Variants in MBD3 observed in about 807,000 individuals in gnomAD.
The protein encoded by MBD3 is methyl-CpG-binding domain protein 3.
Under a neutral mutation model 31.2 loss-of-function variants are expected in MBD3, and 13 were observed. The ratio of observed to expected loss-of-function variants is 0.42; its 90% CI spans 0.27 to 0.66. The LOEUF is 0.66. MBD3 is among the 30% of genes least tolerant of loss of function. MBD3 has a pLI of 0.26. For missense variants in MBD3, 440 were observed against 426.5 expected (o/e 1.03, Z -0.28); for synonymous variants, 223 against 187.4 (o/e 1.19, Z -1.55).
At position 1,580,810 on chromosome 19, in the gene MBD3, T is replaced by G. The variant is rs1243158894; in HGVS notation, c.677+282A>C. On this transcript the variant is annotated intron_variant, in intron 5 of 6. Coordinates refer to ENST00000434436, the MANE Select transcript of MBD3 (RefSeq NM_001281453.2). ...GTCCCTCCGTCTCCAGGGCCCAACA[T>G]GGAGCCCAGCACCCAGCATAGCCAG... Among the ~76,000 whole-genome samples, 4 of 152,200 alleles carry G rather than the reference T, an allele frequency of 2.6e-5. No individual in the cohort carries two copies. The East Asian group carries it at 7.7e-4, about 29-fold the overall frequency.
chr19:1,576,027 G>A lies in MBD3; in HGVS notation c.*2137C>T, dbSNP rs886716652. 1.3e-5 allele frequency: 2 copies of A among 152,602 alleles called. No homozygotes were observed. Among genetic ancestry groups the A allele is most frequent in the African/African-American group, 4.8e-5 (2 of 41,428 alleles). The allele number at this position is 152,602 out of a possible 1,614,324, so 9.5% of individuals were successfully genotyped here. On this transcript the variant is annotated 3_prime_UTR_variant, in exon 7 of 7. Coordinates refer to ENST00000434436, the MANE Select transcript of MBD3 (RefSeq NM_001281453.2). The stretch of plus-strand genomic sequence containing the variant: ...ACAGAGACAGAGACCGAGGGAGAGA[G>A]ACAGGAGAGAGAGCAAGAAACAAAG...
Position 1,581,211 on chromosome 19 carries a change from G to A in MBD3, c.558C>T (p.His186=). The change falls in exon 5 of 7, where the codon CAC becomes CAT. Residue 186 remains histidine, a synonymous_variant. Transcript: ENST00000434436. ...TLLSAIASAL[H]TSTMPITGQL... ...GTCCCGTGATGGGCATGGTGCTAGT[G>A]TGCAGGGCGCTGGCGATGGCCGACA... is the stretch of plus-strand genomic sequence containing the variant. 3 of 1,613,710 alleles carry A rather than the reference G, an allele frequency of 1.9e-6. No individual in the cohort carries two copies. The highest frequency in any genetic ancestry group is 2.5e-6 in the Non-Finnish European group (3 of 1,180,006).
At chr19:1,592,283 C>T (rs2060707515) in intron 1 of MBD3, 1 of 158,894 alleles carries the variant, frequency 6.3e-6, no homozygotes, top group Admixed American at 6.4e-5. Flanking sequence ...GAACAAAGGC[C>T]GCAGTCGCCG....
intron 2 of MBD3, 123 bp downstream of exon 2, chr19:1,584,932 C>G: frequency 7.2e-7 from 1 of 1,386,108 alleles, no homozygotes; most frequent in Non-Finnish European, 9.9e-7. Context: ...GCTCTGTGCC[C>G]TCCGCCCGCT....
At chr19:1,591,418 CCA>C (rs1020830375) in intron 1 of MBD3, among the ~76,000 whole-genome samples, 40 of 152,180 alleles carry the variant, frequency 2.6e-4, no homozygotes, top group African/African-American at 9.2e-4. Context: ...CAGTCAAGAA[CCA>C]CAGAGGACCG....
chr19:1,588,215 AG>A (rs1311928059), intron 1 of MBD3, among the ~76,000 whole-genome samples: 2 of 152,224 alleles, frequency 1.3e-5, no homozygotes, highest in Non-Finnish European at 2.9e-5. Context: ...CGCCTCAGGG[AG>A]GGCACGAGGA....
intron 4 of MBD3, 115 bp downstream of exon 4, chr19:1,582,507 C>T: frequency 9.8e-7 from 1 of 1,022,356 alleles, no homozygotes; most frequent in Non-Finnish European, 1.5e-6. Flanking sequence ...GCAGATTTGC[C>T]CTAAGCACCC....
In MBD3 at chr19:1,589,040, T is replaced by C. The variant is rs148129969; in HGVS notation, c.110+3482A>G. On this transcript the variant is annotated intron_variant, in intron 1 of 6. Transcript: ENST00000434436. ...CATAAAACTGTATCTCGATAACACC[T>C]TCTCAAAAAGAATAAATGCAGTGGC... Among the ~76,000 whole-genome samples the C allele has an allele frequency of 4.7e-3, 721 of 152,170 alleles. 8 individuals are homozygous for C. Among genetic ancestry groups the C allele is most frequent in the African/African-American group, 0.016 (684 of 41,534 alleles).
At chr19:1,590,688 T>C (rs1165617160) in intron 1 of MBD3, among the ~76,000 whole-genome samples, 1 of 152,224 alleles carries the variant, frequency 6.6e-6, no homozygotes, top group Non-Finnish European at 1.5e-5. Flanking sequence ...GCCCATCTAT[T>C]GACACAAAAT....
rs781016674 is a variant in MBD3 at position 1,582,613 on chromosome 19, C to T, written c.499+9G>A. On this transcript the variant is annotated intron_variant, in intron 4 of 6. Coordinates refer to ENST00000434436, the MANE Select transcript of MBD3 (RefSeq NM_001281453.2). ...TCCCCTTCCGCCTCCCCTCAGGGTG[C>T]CCGCTCACCCTGCAGGCCCTTGGGG... 1.2e-6 allele frequency: 2 copies of T among 1,612,680 alleles called. No individual in the cohort carries two copies. The highest frequency in any genetic ancestry group is 2.2e-5 in the South Asian group (2 of 90,898).
At chr19:1,581,010 AC>A in intron 5 of MBD3, 81 bp downstream of exon 5, 1 of 1,538,910 alleles carries the variant, frequency 6.5e-7, no homozygotes, top group Admixed American at 1.7e-5. Context: ...GACGGGAAGC[AC>A]GCAGGCACAC....
intron 5 of MBD3, among the ~76,000 whole-genome samples, chr19:1,580,517 C>T (rs1238923198): frequency 1.3e-5 from 2 of 152,348 alleles, no homozygotes; most frequent in East Asian, 1.9e-4. Flanking sequence ...TGAAAGGTCC[C>T]GTCTTCGCTC....
intron 3 of MBD3, chr19:1,583,211 G>GAA (rs56342603): frequency 3.8e-5 from 4 of 106,190 alleles, no homozygotes; most frequent in Non-Finnish European, 5.8e-5. Context: ...TCTCAAAAAA[G>GAA]AAAAAAAAAA....
At chr19:1,582,570 T>A (rs1033591704) in intron 4 of MBD3, 52 bp downstream of exon 4, 103 of 1,561,304 alleles carry the variant, frequency 6.6e-5, no homozygotes, top group Non-Finnish European at 8.8e-5. Flanking sequence ...CTGCAGCACC[T>A]CCACCCCACC....
chr19:1,578,832 C>G lies in MBD3; in HGVS notation c.678-294G>C, dbSNP rs943837422. ...CCCCAGACTTGGCCCTGAGCCTCCC[C>G]GGGGCTCAGCTGTGTAAACCCTTGC... On this transcript the variant is annotated intron_variant, in intron 5 of 6. Transcript: ENST00000434436. This position sits in a 1 kb window ranked among gnomAD's most constrained non-coding sequence, Gnocchi z 6.1. 6.6e-6 allele frequency among the ~76,000 whole-genome samples: 1 copy of G among 152,194 alleles called. No individual in the cohort carries two copies. Among genetic ancestry groups the G allele is most frequent in the African/African-American group, 2.4e-5 (1 of 41,458 alleles).
At chr19:1,592,393 GACGCACGCACGCACGCACGACGC>G (rs1420268160) in intron 1 of MBD3, 106 bp downstream of exon 1, 1 of 221,990 alleles carries the variant, frequency 4.5e-6, no homozygotes, top group African/African-American at 2.4e-5. Flanking sequence ...ACGCACGCAA[GACGCACGCACGCACGCACGACGC>G]ACGCGCGGGG....
Position 1,592,668 on chromosome 19 carries a change from C to T in MBD3, c.-37G>A. The T allele has an allele frequency of 3.1e-6, 3 of 960,538 alleles. No homozygotes were observed. Among genetic ancestry groups the T allele is most frequent in the East Asian group, 7.2e-5 (1 of 13,834 alleles). The allele number at this position is 960,538 out of a possible 1,614,324, so 59.5% of individuals were successfully genotyped here. A position where few individuals can be genotyped will look rare whatever the true frequency, so the allele number is the denominator to read the frequency against. On this transcript the variant is annotated 5_prime_UTR_variant, in exon 1 of 7. Coordinates refer to ENST00000434436, the MANE Select transcript of MBD3 (RefSeq NM_001281453.2). Reference sequence around the variant, plus strand: ...CCTCGGCCCGCCGCCGGGCCCGCCGCCGCCGCCCGGACCCCCACTCGCCGC... The same window carrying T: ...CCTCGGCCCGCCGCCGGGCCCGCCGTCGCCGCCCGGACCCCCACTCGCCGC...
At chr19:1,589,185 GCC>G (rs1386655746) in intron 1 of MBD3, among the ~76,000 whole-genome samples, 1 of 149,362 alleles carries the variant, frequency 6.7e-6, no homozygotes, top group Admixed American at 6.7e-5. Flanking sequence ...TACAAAAGTA[GCC>G]GGGCGTGGTG....
In MBD3 at chr19:1,592,624, C is replaced by T; in HGVS notation, c.8G>A (p.Arg3Gln). ...GAGCGCCGGGCACTCCCACCTCTTCCGCTCCATTGCGCCCGGCTCCTCGGC... is the reference window on the plus strand; with the variant it reads ...GAGCGCCGGGCACTCCCACCTCTTCTGCTCCATTGCGCCCGGCTCCTCGGC... ME[R>Q]KRWECPALPQ... Residue 3 changes from arginine to glutamine, a missense_variant, in exon 1 of 7, where the codon CGG (arginine) becomes CAG (glutamine). By Grantham distance (43) the Arg-to-Gln change is conservative. This residue lies in a region of MBD3 where 179 missense variants were observed against 134.7 expected (regional missense o/e 1.33). Coordinates refer to ENST00000434436, the MANE Select transcript of MBD3 (RefSeq NM_001281453.2). The T allele has an allele frequency of 1.1e-5, 14 of 1,325,728 alleles. No individual in the cohort carries two copies. Among genetic ancestry groups the T allele is most frequent in the Non-Finnish European group, 1.4e-5 (14 of 1,009,062 alleles). The allele number at this position is 1,325,728 out of a possible 1,614,324, so 82.1% of individuals were successfully genotyped here.
Sources: gnomAD v4.1 joint callset for allele counts (sites outside exome capture counted in the v4.1 genomes callset) on GRCh38, gnomAD v4.1.1 for gene constraint, gnomAD v4.1.1 regional missense constraint, Gnocchi (gnomAD v3.1) non-coding constraint, MANE v1.5 for transcripts, NCBI Gene and HGNC (gene_info 2026-07-23, HGNC 2026-07-21) for gene names.